DPP10: variants seen among roughly 807,000 people sequenced by gnomAD.
DPP10 encodes the protein dipeptidyl peptidase like 10.
Under a neutral mutation model 120.9 loss-of-function variants are expected in DPP10, and 33 were observed. That is an observed-to-expected ratio of 0.27 (90% CI 0.21 to 0.37). The LOEUF (loss-of-function observed/expected upper bound fraction) is 0.37. Among genes scored for constraint, DPP10 ranks in the 10% least tolerant of loss-of-function variants. DPP10 has a pLI of 1.00. For synonymous variants in DPP10, 337 were observed against 326.1 expected (o/e 1.03, Z -0.36); for missense variants, 816 against 942.8 (o/e 0.87, Z 1.76).
In DPP10 at chr2:114,658,787, A is replaced by C. The variant is rs374196081; in HGVS notation, c.60+215949A>C. On this transcript the variant is annotated intron_variant, in intron 1 of 25. Transcript: ENST00000410059. ...ATACCTGTGATTGAATGTAATTATT[A>C]TATCTTCTGGAATGTGAGCATACAC... 2.0e-4 allele frequency among the ~76,000 whole-genome samples: 30 copies of C among 152,284 alleles called. No homozygotes were observed. In the East Asian group the frequency reaches 4.3e-3, roughly 22 times the overall value.
intron 1 of DPP10, among the ~76,000 whole-genome samples, chr2:114,984,879 C>G (rs555099815): frequency 6.6e-6 from 1 of 152,146 alleles, no homozygotes; most frequent in African/African-American, 2.4e-5. Context: ...AAGAGCTCAG[C>G]CTTGGCCCCA....
At chr2:115,755,399 A>G (rs534127135) in intron 11 of DPP10, among the ~76,000 whole-genome samples, 2 of 152,140 alleles carry the variant, frequency 1.3e-5, no homozygotes. Context: ...CAAATGCATC[A>G]GAACAGATAT....
At chr2:114,737,044 A>G (rs1394515501) in intron 1 of DPP10, among the ~76,000 whole-genome samples, 1 of 152,222 alleles carries the variant, frequency 6.6e-6, no homozygotes, top group Non-Finnish European at 1.5e-5. Context: ...TAGACACTAA[A>G]TTAAAACGAA....
intron 1 of DPP10, among the ~76,000 whole-genome samples, chr2:114,663,656 TATATATATATATAGAGAG>T (rs1402840587): frequency 3.2e-5 from 3 of 95,098 alleles, no homozygotes; most frequent in Non-Finnish European, 5.6e-5. Context: ...TATATATATA[TATATATATATATAGAGAG>T]AGAGAGAGAG....
intron 3 of DPP10, among the ~76,000 whole-genome samples, chr2:115,406,372 CT>C (rs1340015533): frequency 6.6e-6 from 1 of 152,120 alleles, no homozygotes; most frequent in African/African-American, 2.4e-5. Flanking sequence ...TTTTTTTAGT[CT>C]TTTTTGTCTT....
intron 13 of DPP10, among the ~76,000 whole-genome samples, chr2:115,769,874 C>T (rs1681246562): frequency 6.6e-6 from 1 of 152,098 alleles, no homozygotes; most frequent in South Asian, 2.1e-4. Context: ...CCTAAAATAT[C>T]ACACTTCCCA....
intron 21 of DPP10, among the ~76,000 whole-genome samples, chr2:115,817,324 G>C (rs955820079): frequency 1.3e-5 from 2 of 152,080 alleles, no homozygotes; most frequent in African/African-American, 2.4e-5. Context: ...GCAAATTCTT[G>C]GTGTTCATGG....
At chr2:114,477,802 T>C (rs1392239434) in intron 1 of DPP10, among the ~76,000 whole-genome samples, 2 of 151,096 alleles carry the variant, frequency 1.3e-5, no homozygotes, top group African/African-American at 2.4e-5. Context: ...TATATGCACA[T>C]ATACATACAT....
intron 5 of DPP10, among the ~76,000 whole-genome samples, chr2:115,536,397 A>G (rs1191299971): frequency 2.0e-5 from 3 of 151,958 alleles, no homozygotes; most frequent in Non-Finnish European, 2.9e-5. Context: ...ATTCAACTCA[A>G]TATCTTTAAT....
chr2:115,365,447 A>G (rs957971866), intron 3 of DPP10, among the ~76,000 whole-genome samples: 1 of 152,016 alleles, frequency 6.6e-6, no homozygotes, highest in Non-Finnish European at 1.5e-5. Context: ...GAGATGGTCC[A>G]AGTTGTCAAG....
rs150506737 is a variant in DPP10 at position 115,187,507 on chromosome 2, G to A, written c.61-121732G>A. Among the ~76,000 whole-genome samples the A allele has an allele frequency of 8.5e-5, 13 of 152,248 alleles. No individual in the cohort carries two copies. The East Asian group carries it at 2.3e-3, about 27-fold the overall frequency. On this transcript the variant is annotated intron_variant, in intron 1 of 25. Coordinates refer to ENST00000410059, the MANE Select transcript of DPP10 (RefSeq NM_020868.6). The stretch of plus-strand genomic sequence containing the variant: ...GTGATTCACCAGCATATACATGGTC[G>A]TGAAAATTGTGAAAGTGGATGGAGT...
chr2:115,777,487 G>GCA (rs1294388317), intron 14 of DPP10, among the ~76,000 whole-genome samples, 188 bp downstream of exon 14: 24 of 151,916 alleles, frequency 1.6e-4, no homozygotes, highest in South Asian at 1.0e-3. Flanking sequence ...ATGTGTGTGT[G>GCA]CACACGCACA....
intron 1 of DPP10, among the ~76,000 whole-genome samples, chr2:114,934,295 C>A (rs1696296669): frequency 1.3e-5 from 2 of 152,112 alleles, no homozygotes; most frequent in African/African-American, 4.8e-5. Flanking sequence ...GGAAGCCTTA[C>A]CAATAACATA....
At chr2:115,690,221 C>A (rs2091238863) in intron 7 of DPP10, among the ~76,000 whole-genome samples, 2 of 152,072 alleles carry the variant, frequency 1.3e-5, no homozygotes, top group South Asian at 4.1e-4. Context: ...CTTTCCATTA[C>A]ATAATATTGT....
At chr2:115,115,381 T>C (rs947472685) in intron 1 of DPP10, among the ~76,000 whole-genome samples, 1 of 152,140 alleles carries the variant, frequency 6.6e-6, no homozygotes, top group Admixed American at 6.5e-5. Flanking sequence ...ACCTTTATGG[T>C]TGTGTTGAGT....
At chr2:115,389,848 A>C (rs1462301758) in intron 3 of DPP10, among the ~76,000 whole-genome samples, 1 of 152,134 alleles carries the variant, frequency 6.6e-6, no homozygotes, top group Non-Finnish European at 1.5e-5. Flanking sequence ...AGAATTATTC[A>C]ACCTGGCTTC....
chr2:114,947,213 C>G (rs1697430451), intron 1 of DPP10, among the ~76,000 whole-genome samples: 1 of 152,014 alleles, frequency 6.6e-6, no homozygotes, highest in Non-Finnish European at 1.5e-5. Context: ...ACCTGCGTAT[C>G]TGACCTGGAT....
chr2:115,576,055 T>C (rs1405976692), intron 5 of DPP10, among the ~76,000 whole-genome samples: 1 of 152,216 alleles, frequency 6.6e-6, no homozygotes, highest in Non-Finnish European at 1.5e-5. Flanking sequence ...TTTATTTTAT[T>C]CTTCTGAAAC....
chr2:114,894,326 A>G (rs1692790253), intron 1 of DPP10, among the ~76,000 whole-genome samples: 1 of 152,212 alleles, frequency 6.6e-6, no homozygotes, highest in Admixed American at 6.5e-5. Flanking sequence ...CTTCAGAGAC[A>G]AGGTTGCTTA....
Sources: allele counts gnomAD v4.1 joint callset (sites outside exome capture counted in the v4.1 genomes callset), GRCh38; gene constraint gnomAD v4.1.1; transcripts MANE v1.5; gene names NCBI Gene and HGNC (gene_info 2026-07-23, HGNC 2026-07-21).